Variants in SPOCK1 observed in about 807,000 individuals in gnomAD.
SPOCK1 encodes the protein SPARC (osteonectin), cwcv and kazal like domains proteoglycan 1, also known as testican-1.
SPOCK1 carries 23 observed loss-of-function variants against 55.3 expected under a neutral mutation model. That is an observed-to-expected ratio of 0.42 (90% CI 0.30 to 0.59). The LOEUF is 0.59. Ranked by LOEUF, SPOCK1 falls within the 20% of genes least tolerant of loss-of-function variation. The pLI, the probability that SPOCK1 is intolerant of heterozygous loss-of-function variation, is 0.22. For missense variants in SPOCK1, 499 were observed against 552.5 expected (o/e 0.90, Z 0.97); for synonymous variants, 226 against 221.0 (o/e 1.02, Z -0.20).
intron 3 of SPOCK1, among the ~76,000 whole-genome samples, chr5:137,219,107 C>T (rs1458479314): frequency 2.0e-5 from 3 of 152,126 alleles, no homozygotes; most frequent in Non-Finnish European, 4.4e-5. Context: ...TGACGGCTGC[C>T]AAATCTGCAC....
At chr5:137,030,958 G>A (rs1176494081) in intron 6 of SPOCK1, among the ~76,000 whole-genome samples, 4 of 152,042 alleles carry the variant, frequency 2.6e-5, no homozygotes, top group African/African-American at 9.7e-5. Context: ...AGGTTCCAAG[G>A]CACTACCTAT....
chr5:136,981,700 C>T (rs535008110), intron 9 of SPOCK1, among the ~76,000 whole-genome samples: 11 of 152,106 alleles, frequency 7.2e-5, no homozygotes, highest in South Asian at 4.1e-4. Flanking sequence ...TTCTGTGGTA[C>T]GGTCTGTGGC....
intron 2 of SPOCK1, among the ~76,000 whole-genome samples, chr5:137,426,897 A>G (rs1383983004): frequency 6.6e-6 from 1 of 152,166 alleles, no homozygotes; most frequent in Non-Finnish European, 1.5e-5. Flanking sequence ...ATATTGCTGT[A>G]TGTGGCACAG....
chr5:137,230,676 T>C (rs927631673), intron 3 of SPOCK1, among the ~76,000 whole-genome samples: 4 of 152,246 alleles, frequency 2.6e-5, no homozygotes, highest in African/African-American at 9.6e-5. Context: ...AGGACCTGTT[T>C]GATCATTTTG....
At chr5:137,139,707 G>A (rs986846650) in intron 4 of SPOCK1, among the ~76,000 whole-genome samples, 28 of 152,218 alleles carry the variant, frequency 1.8e-4, no homozygotes, top group Admixed American at 1.6e-3. Flanking sequence ...GCCCCACTGC[G>A]ACACCTCTCA....
At chr5:136,985,049 C>T (rs941401689) in intron 9 of SPOCK1, 91 bp downstream of exon 9, 42 of 1,264,954 alleles carry the variant, frequency 3.3e-5, no homozygotes, top group South Asian at 3.0e-4. Context: ...AACACTAGCC[C>T]TAATTGAATA....
chr5:137,309,401 C>G (rs190275793), intron 2 of SPOCK1, among the ~76,000 whole-genome samples: 1 of 152,198 alleles, frequency 6.6e-6, no homozygotes. Context: ...GGTCTCCAGG[C>G]CTTTGTCCTC....
chr5:137,242,612 C>T (rs964222639), intron 3 of SPOCK1, among the ~76,000 whole-genome samples: 1 of 152,152 alleles, frequency 6.6e-6, no homozygotes, highest in Non-Finnish European at 1.5e-5. Flanking sequence ...GTGATGTACG[C>T]CTGTAGTCCC....
chr5:137,368,796 A>G (rs990472706), intron 2 of SPOCK1, among the ~76,000 whole-genome samples: 1 of 152,156 alleles, frequency 6.6e-6, no homozygotes, highest in African/African-American at 2.4e-5. Flanking sequence ...CACTGCACAC[A>G]GGACTGTGTG....
intron 9 of SPOCK1, 33 bp downstream of exon 9, chr5:136,985,106 GT>G: frequency 6.2e-7 from 1 of 1,601,360 alleles, no homozygotes; most frequent in Non-Finnish European, 8.6e-7. Flanking sequence ...GGCTTAATTA[GT>G]TGTTTAAATG....
At chr5:137,219,012 G>T (rs1426194913) in intron 3 of SPOCK1, among the ~76,000 whole-genome samples, 2 of 152,186 alleles carry the variant, frequency 1.3e-5, no homozygotes, top group Non-Finnish European at 2.9e-5. Context: ...CTGCAAGGGG[G>T]AACCTTAAGG....
chr5:137,190,443 T>C (rs2127069756), intron 3 of SPOCK1, among the ~76,000 whole-genome samples: 1 of 152,350 alleles, frequency 6.6e-6, no homozygotes. Context: ...AGATGATGGT[T>C]AGCATTTTTT....
chr5:137,469,303 T>C (rs78136986), intron 2 of SPOCK1, among the ~76,000 whole-genome samples: 305 of 152,356 alleles, frequency 2.0e-3, no homozygotes, highest in African/African-American at 7.1e-3. Context: ...TGTAGTCAGC[T>C]TTCCAGAACC....
At chr5:137,150,702 T>C (rs774727427) in intron 3 of SPOCK1, among the ~76,000 whole-genome samples, 1 of 152,032 alleles carries the variant, frequency 6.6e-6, no homozygotes, top group Admixed American at 6.6e-5. Context: ...GTGTATAAGG[T>C]TGGGGCTTTC....
intron 2 of SPOCK1, among the ~76,000 whole-genome samples, chr5:137,411,492 A>G (rs1371625746): frequency 6.6e-6 from 1 of 152,196 alleles, no homozygotes; most frequent in Admixed American, 6.5e-5. Flanking sequence ...AGGAGCCCCA[A>G]AAGATTTCAA....
chr5:137,283,734 C>CAA (rs367776461), intron 2 of SPOCK1, among the ~76,000 whole-genome samples: 4 of 138,904 alleles, frequency 2.9e-5, no homozygotes, highest in African/African-American at 5.3e-5. Flanking sequence ...ATGAAACAAA[C>CAA]AAAAAAAAAA....
At chr5:137,250,305 G>T (rs1756484663) in intron 3 of SPOCK1, among the ~76,000 whole-genome samples, 1 of 152,128 alleles carries the variant, frequency 6.6e-6, no homozygotes, top group Non-Finnish European at 1.5e-5. Context: ...TAAATTTGCT[G>T]ATTCCTGCCC....
chr5:137,297,074 A>C (rs1561496563), intron 2 of SPOCK1, among the ~76,000 whole-genome samples: 1 of 152,236 alleles, frequency 6.6e-6, no homozygotes, highest in African/African-American at 2.4e-5. Flanking sequence ...TATAAACATA[A>C]TATGTATGTA....
At chr5:137,319,834 A>G (rs1757948559) in intron 2 of SPOCK1, among the ~76,000 whole-genome samples, 1 of 151,472 alleles carries the variant, frequency 6.6e-6, no homozygotes. Flanking sequence ...AGTCCCAGCT[A>G]CTCGGGAGGC....
Sources: allele counts gnomAD v4.1 joint callset (sites outside exome capture counted in the v4.1 genomes callset), GRCh38; gene constraint gnomAD v4.1.1; transcripts MANE v1.5; gene names NCBI Gene and HGNC (gene_info 2026-07-23, HGNC 2026-07-21).